AOPEP: variants seen among roughly 807,000 people sequenced by gnomAD.
AOPEP encodes the protein aminopeptidase O.
In AOPEP, 77 loss-of-function variants were observed where a neutral mutation model predicts 98.1. The observed-to-expected ratio is 0.78, with a 90% CI of 0.65 to 0.95. The LOEUF (loss-of-function observed/expected upper bound fraction) is 0.95, where lower values mean the gene tolerates loss of function less well. Ranked by LOEUF, AOPEP falls within the 40% of genes least tolerant of loss-of-function variation. AOPEP has a pLI of 0.00. For missense variants in AOPEP, 1,024 were observed against 1,024.7 expected (o/e 1.00, Z 0.01); for synonymous variants, 346 against 365.3 (o/e 0.95, Z 0.60).
chr9:95,027,584 C>T (rs963753356), intron 13 of AOPEP, among the ~76,000 whole-genome samples: 1 of 152,090 alleles, frequency 6.6e-6, no homozygotes, highest in Non-Finnish European at 1.5e-5. Context: ...AGAAAAGACA[C>T]ACATGTGTCT....
chr9:94,809,747 A>G (rs982249785), intron 5 of AOPEP, among the ~76,000 whole-genome samples: 1 of 152,264 alleles, frequency 6.6e-6, no homozygotes, highest in Non-Finnish European at 1.5e-5. Context: ...CAATGTTAAT[A>G]TATTAGGTAC....
At chr9:94,884,713 CT>C (rs2047983803) in intron 5 of AOPEP, among the ~76,000 whole-genome samples, 1 of 152,210 alleles carries the variant, frequency 6.6e-6, no homozygotes, top group Non-Finnish European at 1.5e-5. Context: ...GCATGTATAG[CT>C]CTTAAATCAG....
chr9:95,098,287 T>G, the AOPEP span, among the ~76,000 whole-genome samples: 2 of 152,052 alleles, frequency 1.3e-5, no homozygotes, highest in South Asian at 4.2e-4. Flanking sequence ...TCGTAACTTC[T>G]CCACTTCAAC....
At chr9:94,843,017 A>T (rs1259017040) in intron 5 of AOPEP, among the ~76,000 whole-genome samples, 1 of 152,156 alleles carries the variant, frequency 6.6e-6, no homozygotes, top group Non-Finnish European at 1.5e-5. Flanking sequence ...CTTCTTAGGT[A>T]TGTAAGTTTA....
chr9:94,951,992 C>T (rs2058130411), intron 7 of AOPEP, among the ~76,000 whole-genome samples: 1 of 152,218 alleles, frequency 6.6e-6, no homozygotes. Context: ...GCAAGAGACA[C>T]TTAGAAAATG....
At chr9:95,090,833 T>A (rs2070857175), downstream of AOPEP, among the ~76,000 whole-genome samples, 1 of 152,224 alleles carries the variant, frequency 6.6e-6, no homozygotes, top group African/African-American at 2.4e-5. Flanking sequence ...TAAAGGATTT[T>A]AAAGCATTTA....
At chr9:95,083,338 AGCACACACCACACAGC>A (rs907505295) in intron 16 of AOPEP, among the ~76,000 whole-genome samples, 11 of 149,016 alleles carry the variant, frequency 7.4e-5, no homozygotes, top group South Asian at 2.2e-4. Context: ...GAGCACGCAC[AGCACACACCACACAGC>A]GCACGCACCA....
At chr9:94,938,391 T>C (rs2056591247) in intron 7 of AOPEP, among the ~76,000 whole-genome samples, 1 of 152,118 alleles carries the variant, frequency 6.6e-6, no homozygotes, top group African/African-American at 2.4e-5. Context: ...CCAAGATAGA[T>C]AGGTAATCCT....
At chr9:94,968,859 A>G (rs1024161388) in intron 10 of AOPEP, among the ~76,000 whole-genome samples, 1 of 152,230 alleles carries the variant, frequency 6.6e-6, no homozygotes, top group African/African-American at 2.4e-5. Flanking sequence ...TTTAACTCTT[A>G]CTACAGTGCT....
rs1052828305 is a variant in AOPEP at position 95,035,595 on chromosome 9, C to T, written c.2116-25099C>T. Among the ~76,000 whole-genome samples, 42 of 143,634 alleles carry T rather than the reference C, an allele frequency of 2.9e-4. 1 individual carries two copies. The highest frequency in any genetic ancestry group is 1.3e-4 in the African/African-American group (5 of 39,020). The allele number at this position is 143,634 out of a possible 152,430, so 94.2% of individuals were successfully genotyped here. A position where few individuals can be genotyped will look rare whatever the true frequency, so the allele number is the denominator to read the frequency against. Reference sequence around the variant, plus strand: ...GTGCAGTGGCGCGATCTCGACTCACCGCAACCTCCGGCTCCTGGGTTCAAG... The same window carrying T: ...GTGCAGTGGCGCGATCTCGACTCACTGCAACCTCCGGCTCCTGGGTTCAAG... On this transcript the variant is annotated intron_variant, in intron 13 of 16. Transcript: ENST00000375315.
intron 1 of AOPEP, among the ~76,000 whole-genome samples, chr9:94,742,382 G>A (rs1306624096): frequency 1.3e-5 from 2 of 151,958 alleles, no homozygotes; most frequent in Admixed American, 1.3e-4. Context: ...TAATTGGTTT[G>A]CAAGGAAATA....
chr9:95,149,997 G>A, the AOPEP span: 1 of 1,613,956 alleles, frequency 6.2e-7, no homozygotes, highest in Non-Finnish European at 8.5e-7. Context: ...CATGACAGAT[G>A]AGGAGAGCCT....
At chr9:95,129,956 A>T in the AOPEP span, among the ~76,000 whole-genome samples, 1 of 152,118 alleles carries the variant, frequency 6.6e-6, no homozygotes, top group Non-Finnish European at 1.5e-5. Context: ...TGCATTGTTT[A>T]TCTCCCCTCC....
intron 10 of AOPEP, among the ~76,000 whole-genome samples, chr9:94,979,045 G>T (rs1197588900): frequency 6.6e-6 from 1 of 152,172 alleles, no homozygotes; most frequent in Non-Finnish European, 1.5e-5. Flanking sequence ...AGCCATGCCT[G>T]ATGTGTGCGA....
At chr9:95,081,449 T>C (rs1005512715) in intron 15 of AOPEP, among the ~76,000 whole-genome samples, 2 of 152,162 alleles carry the variant, frequency 1.3e-5, no homozygotes, top group African/African-American at 4.8e-5. Context: ...TGTCAAGCAC[T>C]GTGGGTAACA....
At chr9:94,996,356 G>C (rs1370254831) in intron 11 of AOPEP, among the ~76,000 whole-genome samples, 2 of 112,422 alleles carry the variant, frequency 1.8e-5, no homozygotes, top group South Asian at 6.9e-4. Flanking sequence ...GCCTCTGTGT[G>C]TGTGTGTGTG....
chr9:94,797,703 CTTTT>C (rs1298082623), intron 4 of AOPEP, among the ~76,000 whole-genome samples: 6 of 130,076 alleles, frequency 4.6e-5, no homozygotes, highest in African/African-American at 3.0e-5. Context: ...TCTCTCATAC[CTTTT>C]TTTTTTTTTT....
Position 95,086,818 on chromosome 9 carries a change from T to C in AOPEP, c.*141T>C. On this transcript the variant is annotated 3_prime_UTR_variant, in exon 17 of 17. Transcript: ENST00000375315. ...CACAGCCCTGTTCACATCTTGGTGC[T>C]TCTCTTTCCCAGAGGCTGGTCCCAG... 1.0e-6 allele frequency: 1 copy of C among 987,998 alleles called. No homozygotes were observed. The highest frequency in any genetic ancestry group is 1.2e-6 in the Non-Finnish European group (1 of 830,124). 61.2% of individuals were successfully genotyped at this position (987,998 alleles called of 1,614,324 possible). A position where few individuals can be genotyped will look rare whatever the true frequency, so the allele number is the denominator to read the frequency against.
chr9:94,940,097 C>T (rs966740426), intron 7 of AOPEP, among the ~76,000 whole-genome samples: 1 of 152,230 alleles, frequency 6.6e-6, no homozygotes, highest in African/African-American at 2.4e-5. Flanking sequence ...ATAAAGGATA[C>T]TCAAGCTTTA....
Sources: allele counts gnomAD v4.1 joint callset (sites outside exome capture counted in the v4.1 genomes callset), GRCh38; gene constraint gnomAD v4.1.1; transcripts MANE v1.5; gene names NCBI Gene and HGNC (gene_info 2026-07-23, HGNC 2026-07-21).